Variants in ALPK1 observed in about 807,000 individuals in gnomAD.
ALPK1 encodes the protein alpha-protein kinase 1.
In ALPK1, 110 loss-of-function variants were observed where a neutral mutation model predicts 120.6. The observed-to-expected ratio is 0.91, with a 90% CI of 0.78 to 1.07. The LOEUF (loss-of-function observed/expected upper bound fraction) is 1.07. ALPK1 is among the 50% of genes least tolerant of loss of function. The pLI is 0.00. For synonymous variants in ALPK1, 582 were observed against 560.3 expected, an observed-to-expected ratio of 1.04 and a Z score of -0.55; for missense variants, 1,498 against 1,483.9, an observed-to-expected ratio of 1.01 and a Z score of -0.16.
intron 2 of ALPK1, among the ~76,000 whole-genome samples, chr4:112,368,253 T>G (rs192958008): frequency 2.0e-4 from 31 of 152,348 alleles, no homozygotes; most frequent in Middle Eastern, 6.8e-3. Flanking sequence ...ATGCATTCAT[T>G]GAATTTTTAA....
At chr4:112,406,342 C>T (rs895163488) in intron 4 of ALPK1, among the ~76,000 whole-genome samples, 2 of 152,102 alleles carry the variant, frequency 1.3e-5, no homozygotes, top group African/African-American at 4.8e-5. Flanking sequence ...TATGGATGAA[C>T]CTTGAATATA....
In ALPK1 at chr4:112,427,647, C is replaced by T; in HGVS notation, c.777C>T (p.Asn259=). ...MSKNDYEKFK[N]NPQINLSLLK... ...AGAACGATTATGAAAAGTTTAAAAA[C>T]AATCCACAAATTAATTTGGTAATTA... The change falls in exon 9 of 16, where the codon AAC becomes AAT. Residue 259 remains asparagine (N), a synonymous_variant. Coordinates refer to ENST00000650871, the MANE Select transcript of ALPK1 (RefSeq NM_025144.4). 1 of 1,612,644 alleles carries T rather than the reference C, an allele frequency of 6.2e-7. No homozygotes were observed. Among genetic ancestry groups the T allele is most frequent in the Non-Finnish European group, 8.5e-7 (1 of 1,178,714 alleles).
chr4:112,432,558 C>G lies in ALPK1; in HGVS notation c.3011C>G (p.Pro1004Arg), dbSNP rs1734617922. The G allele has an allele frequency of 6.2e-7, 1 of 1,612,826 alleles. No homozygotes were observed. Among genetic ancestry groups the G allele is most frequent in the Non-Finnish European group, 8.5e-7 (1 of 1,179,916 alleles). Residue 1004 changes from proline (P) to arginine (R), a missense_variant, in exon 11 of 16, where the codon CCC becomes CGC. By Grantham distance (103) the Pro-to-Arg change is moderately radical (BLOSUM62 -2). Coordinates refer to ENST00000650871, the MANE Select transcript of ALPK1 (RefSeq NM_025144.4). ...QRLENTGVFKPSQLHRAHSAL... is the reference protein window; with the variant it reads ...QRLENTGVFKRSQLHRAHSAL... ...CTAGAGAATACGGGGGTTTTTAAGC[C>G]CAGTCAACTCCACCGAGCACATAGT... is the stretch of plus-strand genomic sequence containing the variant.
In ALPK1 at chr4:112,401,965, C is replaced by T. The variant is rs562792335; in HGVS notation, c.277-9862C>T. Among the ~76,000 whole-genome samples, 58 of 152,294 alleles carry T rather than the reference C, an allele frequency of 3.8e-4. 1 individual carries two copies. Among genetic ancestry groups the T allele is most frequent in the Admixed American group, 3.6e-3 (55 of 15,300 alleles). ...AAAGGTCAGCTTTTTCTTCTCACCT[C>T]CTTATCACATTTAGTGGGTGGACAA... On this transcript the variant is annotated intron_variant, in intron 4 of 15. Coordinates refer to ENST00000650871, the MANE Select transcript of ALPK1 (RefSeq NM_025144.4).
chr4:112,431,439 A>G lies in ALPK1; in HGVS notation c.1892A>G (p.Asn631Ser). The change falls in exon 11 of 16, where the codon AAT (asparagine) becomes AGT (serine). Residue 631 changes from asparagine to serine, a missense_variant. Coordinates refer to ENST00000650871, the MANE Select transcript of ALPK1 (RefSeq NM_025144.4). ...CSTALSEELE[N>S]DREGRAMHSL... ...ACTGCCTTGTCTGAGGAGCTAGAGA[A>G]TGACAGGGAAGGCAGAGCTATGCAT... 6.2e-7 allele frequency: 1 copy of G among 1,614,216 alleles called. No individual in the cohort carries two copies. Among genetic ancestry groups the G allele is most frequent in the Non-Finnish European group, 8.5e-7 (1 of 1,180,024 alleles).
chr4:112,303,727 T>A (rs985801965), intron 1 of ALPK1, among the ~76,000 whole-genome samples: 5 of 152,114 alleles, frequency 3.3e-5, no homozygotes, highest in South Asian at 2.1e-4. Context: ...TTTTTTTTTT[T>A]AATCATACTT....
intron 2 of ALPK1, among the ~76,000 whole-genome samples, chr4:112,364,369 A>C (rs1412765265): frequency 6.6e-6 from 1 of 152,068 alleles, no homozygotes; most frequent in Non-Finnish European, 1.5e-5. Flanking sequence ...ATTAGAAAAG[A>C]AATGGAAGAT....
intron 2 of ALPK1, among the ~76,000 whole-genome samples, chr4:112,369,525 CG>C (rs1480243461): frequency 6.6e-6 from 1 of 151,262 alleles, no homozygotes; most frequent in African/African-American, 2.4e-5. Flanking sequence ...ATTAAAAAGA[CG>C]TTTTAGATTA....
At chr4:112,303,482 T>C (rs1727879446) in intron 1 of ALPK1, among the ~76,000 whole-genome samples, 1 of 152,186 alleles carries the variant, frequency 6.6e-6, no homozygotes, top group African/African-American at 2.4e-5. Context: ...AATTTTGAAG[T>C]CACACTGATT....
rs938083441 is a variant in ALPK1 at position 112,305,656 on chromosome 4, G to A, written c.-153+8187G>A. ...GTTTAAGGAGATTTTGGGCTGAGACGATGGGGTTTTCCAGATATACAGTCA... is the reference window on the plus strand; with the variant it reads ...GTTTAAGGAGATTTTGGGCTGAGACAATGGGGTTTTCCAGATATACAGTCA... On this transcript the variant is annotated intron_variant, in intron 1 of 15. Transcript: ENST00000650871. Among the ~76,000 whole-genome samples, 21 of 152,174 alleles carry A rather than the reference G, an allele frequency of 1.4e-4. 1 individual carries two copies. The highest frequency in any genetic ancestry group is 7.7e-4 in the East Asian group (4 of 5,192).
rs545577930 is a variant in ALPK1, at chr4:112,358,359, C to T, written c.-100-19319C>T. ...CGTGTTGCTGAGCGAACTATGCCAGCACCGGCCCCCTGGGCTGTAGCACCC... is the reference window on the plus strand; with the variant it reads ...CGTGTTGCTGAGCGAACTATGCCAGTACCGGCCCCCTGGGCTGTAGCACCC... On this transcript the variant is annotated intron_variant, in intron 2 of 15. Coordinates refer to ENST00000650871, the MANE Select transcript of ALPK1 (RefSeq NM_025144.4). 23 of 599,892 alleles carry T rather than the reference C, an allele frequency of 3.8e-5. No homozygotes were observed. The African/African-American group carries it at 3.9e-4, about 10-fold the overall frequency. 37.2% of individuals were successfully genotyped at this position (599,892 alleles called of 1,614,324 possible). A position where few individuals can be genotyped will look rare whatever the true frequency, so the allele number is the denominator to read the frequency against.
chr4:112,423,836 G>A lies in ALPK1; in HGVS notation c.476-108G>A, dbSNP rs946325344. 59 of 960,898 alleles carry A rather than the reference G, an allele frequency of 6.1e-5. No individual in the cohort carries two copies. In the African/African-American group the frequency reaches 8.4e-4, roughly 14 times the overall value. The allele number at this position is 960,898 out of a possible 1,614,324, so 59.5% of individuals were successfully genotyped here. A position where few individuals can be genotyped will look rare whatever the true frequency, so the allele number is the denominator to read the frequency against. On this transcript the variant is annotated intron_variant, in intron 5 of 15. Transcript: ENST00000650871. ...ATTATAAAATGGAATGCTTCCAAAG[G>A]AGGTTACAGTTCCTGCTGCAATATA...
At chr4:112,401,904 A>G (rs10013686) in intron 4 of ALPK1, among the ~76,000 whole-genome samples, 22,852 of 152,170 alleles carry the variant, frequency 0.15, 2,407 homozygotes, top group African/African-American at 0.3. Flanking sequence ...AGAAAGGCCA[A>G]TGAAATGTTT....
Position 112,331,171 on chromosome 4 carries a change from C to G in ALPK1, c.-101+15319C>G, listed in dbSNP as rs561680076. ...CCATGCATAACCTTCATCTTTGTCA[C>G]CATGGCCACTTTGTTCTTGAACTCA... On this transcript the variant is annotated intron_variant, in intron 2 of 15. Transcript: ENST00000650871. Among the ~76,000 whole-genome samples the G allele has an allele frequency of 3.9e-5, 6 of 152,292 alleles. No homozygotes were observed. The South Asian group carries it at 1.2e-3, about 32-fold the overall frequency.
intron 2 of ALPK1, among the ~76,000 whole-genome samples, chr4:112,361,544 C>T (rs1203451782): frequency 2.0e-5 from 3 of 152,170 alleles, no homozygotes; most frequent in Non-Finnish European, 4.4e-5. Context: ...ACCCCCATCC[C>T]CCACAGCAGC....
chr4:112,420,991 C>A (rs910772746), intron 5 of ALPK1, among the ~76,000 whole-genome samples: 2 of 152,062 alleles, frequency 1.3e-5, no homozygotes, highest in African/African-American at 2.4e-5. Flanking sequence ...CGCCACCATG[C>A]CTGGCTACTT....
At chr4:112,412,471 G>C (rs1335935425) in intron 5 of ALPK1, 1 of 457,418 alleles carries the variant, frequency 2.2e-6, no homozygotes, top group Non-Finnish European at 4.4e-6. Context: ...AGTAATTTGA[G>C]GGTTTTTTTT....
chr4:112,315,287 C>CAGTAAATAGTAGTAAAAA (rs1728585446), intron 1 of ALPK1, among the ~76,000 whole-genome samples: 1 of 152,130 alleles, frequency 6.6e-6, no homozygotes, highest in African/African-American at 2.4e-5. Flanking sequence ...TGGCAGGCCC[C>CAGTAAATAGTAGTAAAAA]AAAAGTAGTA....
intron 4 of ALPK1, among the ~76,000 whole-genome samples, chr4:112,393,666 C>T (rs1251749463): frequency 6.6e-6 from 1 of 152,142 alleles, no homozygotes; most frequent in East Asian, 1.9e-4. Context: ...TGTTCAAAAA[C>T]AAACTTCTCA....
Sources: allele counts gnomAD v4.1 joint callset (sites outside exome capture counted in the v4.1 genomes callset), GRCh38; gene constraint gnomAD v4.1.1; transcripts MANE v1.5; gene names NCBI Gene and HGNC (gene_info 2026-07-23, HGNC 2026-07-21).